VEPH1: variants seen among roughly 807,000 people sequenced by gnomAD.
The protein encoded by VEPH1 is ventricular zone-expressed PH domain-containing protein homolog 1.
Under a neutral mutation model 85.2 loss-of-function variants are expected in VEPH1, and 80 were observed. That is an observed-to-expected ratio of 0.94 (90% confidence interval 0.78 to 1.13). The LOEUF is 1.13. Ranked by LOEUF, VEPH1 falls within the 50% of genes most tolerant of loss-of-function variation. VEPH1 has a pLI of 0.00. For missense variants in VEPH1, 955 were observed against 980.5 expected, an observed-to-expected ratio of 0.97 and a Z score of 0.35; for synonymous variants, 297 against 348.0, an observed-to-expected ratio of 0.85 and a Z score of 1.63.
chr3:157,264,892 G>A (rs1162189727), intron 13 of VEPH1, among the ~76,000 whole-genome samples: 1 of 152,150 alleles, frequency 6.6e-6, no homozygotes, highest in African/African-American at 2.4e-5. Context: ...AGGTAACTTT[G>A]CATTATTGAT....
At chr3:157,418,247 G>C (rs762356095) in intron 5 of VEPH1, among the ~76,000 whole-genome samples, 1 of 152,082 alleles carries the variant, frequency 6.6e-6, no homozygotes, top group South Asian at 2.1e-4. Flanking sequence ...CCCAGGGTAG[G>C]GCAGCAACCC....
chr3:157,385,895 G>C (rs1286950620), intron 6 of VEPH1, among the ~76,000 whole-genome samples: 1 of 152,056 alleles, frequency 6.6e-6, no homozygotes, highest in African/African-American at 2.4e-5. Flanking sequence ...TTAAGCATTA[G>C]TCATTTGGAA....
intron 2 of VEPH1, 149 bp from the exon 3 acceptor site, chr3:157,470,678 C>T: frequency 3.0e-6 from 2 of 675,222 alleles, no homozygotes; most frequent in Admixed American, 5.6e-5. Context: ...TAAAGGCTTC[C>T]TTCCTTGGAG....
At chr3:157,492,741 CTCTT>C (rs1739332149) in intron 2 of VEPH1, among the ~76,000 whole-genome samples, 1 of 152,136 alleles carries the variant, frequency 6.6e-6, no homozygotes, top group African/African-American at 2.4e-5. Context: ...AAAATGCTCT[CTCTT>C]TGTCAGGGTT....
rs750007931 is a variant in VEPH1 at position 157,286,662 on chromosome 3, C to T, written c.2023G>A (p.Val675Ile). 6 of 1,613,796 alleles carry T rather than the reference C, an allele frequency of 3.7e-6. No homozygotes were observed. The East Asian group carries it at 8.9e-5, about 24-fold the overall frequency. ...CTCACTTCTTCCAGATGGAGCTGTACCTGGTCCAGATCCTGTGTCAGGAAC... is the reference window on the plus strand; with the variant it reads ...CTCACTTCTTCCAGATGGAGCTGTATCTGGTCCAGATCCTGTGTCAGGAAC... Reference protein sequence around the residue: ...TFPQQKDLDQVQLHLEEVRFF... With the variant: ...TFPQQKDLDQIQLHLEEVRFF... Residue 675 changes from valine to isoleucine, a missense_variant, in exon 12 of 14, where the codon GTA becomes ATA. Coordinates refer to ENST00000362010, the MANE Select transcript of VEPH1 (RefSeq NM_001167912.2).
At chr3:157,304,021 T>TATATATATATATA (rs1559939923) in intron 11 of VEPH1, among the ~76,000 whole-genome samples, 38 of 83,982 alleles carry the variant, frequency 4.5e-4, no homozygotes, top group Non-Finnish European at 7.4e-4. Context: ...ATCTTATATT[T>TATATATATATATA]TTTATATATA....
intron 4 of VEPH1, among the ~76,000 whole-genome samples, chr3:157,449,358 T>C (rs941755403): frequency 2.6e-4 from 40 of 152,226 alleles, no homozygotes; most frequent in African/African-American, 9.4e-4. Context: ...TATTTAGGTC[T>C]TATTCCATCT....
At chr3:157,446,508 C>T (rs1734567157) in intron 4 of VEPH1, among the ~76,000 whole-genome samples, 1 of 152,114 alleles carries the variant, frequency 6.6e-6, no homozygotes, top group Admixed American at 6.6e-5. Flanking sequence ...AATTGTAGAG[C>T]TTTCTATTTA....
chr3:157,277,198 G>T (rs1219283874), intron 12 of VEPH1, among the ~76,000 whole-genome samples: 1 of 152,068 alleles, frequency 6.6e-6, no homozygotes, highest in African/African-American at 2.4e-5. Context: ...GCTGATAATT[G>T]TCTAATTGTA....
intron 5 of VEPH1, chr3:157,415,206 CTCTTTA>C (rs1330241668): frequency 6.6e-6 from 1 of 152,168 alleles, no homozygotes; most frequent in Non-Finnish European, 1.5e-5. Flanking sequence ...TCACTCCCTT[CTCTTTA>C]TATTTATCCA....
chr3:157,333,048 A>T (rs904132205), intron 9 of VEPH1, among the ~76,000 whole-genome samples: 5 of 152,188 alleles, frequency 3.3e-5, no homozygotes, highest in Non-Finnish European at 7.3e-5. Flanking sequence ...TATTGTGGCA[A>T]TGCTGTTCAT....
At chr3:157,400,647 T>A (rs1730729600) in intron 6 of VEPH1, among the ~76,000 whole-genome samples, 1 of 152,144 alleles carries the variant, frequency 6.6e-6, no homozygotes, top group South Asian at 2.1e-4. Flanking sequence ...TAAATGGCAT[T>A]CAATGTGGCC....
chr3:157,270,155 G>A (rs545073684), intron 12 of VEPH1, among the ~76,000 whole-genome samples: 6 of 152,114 alleles, frequency 3.9e-5, no homozygotes, highest in East Asian at 1.9e-4. Context: ...AGGTACTCAC[G>A]GGGGTGAAGG....
chr3:157,409,556 G>C (rs1189505334), intron 6 of VEPH1: 1 of 902,234 alleles, frequency 1.1e-6, no homozygotes, highest in Non-Finnish European at 1.3e-6. Flanking sequence ...GTTAATCTGG[G>C]AGATAGAGAA....
intron 6 of VEPH1, among the ~76,000 whole-genome samples, chr3:157,384,835 C>A (rs1485586054): frequency 6.6e-6 from 1 of 152,150 alleles, no homozygotes; most frequent in Non-Finnish European, 1.5e-5. Flanking sequence ...TGATTTCCTT[C>A]TCAGCTTCAT....
At chr3:157,337,163 C>T (rs1723049366) in intron 9 of VEPH1, among the ~76,000 whole-genome samples, 1 of 148,834 alleles carries the variant, frequency 6.7e-6, no homozygotes, top group South Asian at 2.1e-4. Flanking sequence ...ATATATTTTA[C>T]CAAGAAATGG....
chr3:157,459,138 C>A (rs1735616414), intron 4 of VEPH1, among the ~76,000 whole-genome samples: 1 of 152,244 alleles, frequency 6.6e-6, no homozygotes, highest in African/African-American at 2.4e-5. Context: ...GTTCCTAAAG[C>A]TTCCAGTGGT....
intron 6 of VEPH1, among the ~76,000 whole-genome samples, chr3:157,403,946 T>G (rs1453408724): frequency 6.6e-6 from 1 of 152,180 alleles, no homozygotes; most frequent in African/African-American, 2.4e-5. Flanking sequence ...GGGCATCTTG[T>G]TCAATTATGG....
At chr3:157,488,275 C>T (rs1738843636) in intron 2 of VEPH1, among the ~76,000 whole-genome samples, 1 of 152,044 alleles carries the variant, frequency 6.6e-6, no homozygotes, top group Non-Finnish European at 1.5e-5. Flanking sequence ...CTCTTCCCAC[C>T]ATCTGAAACT....
Sources: gnomAD v4.1 joint callset for allele counts (sites outside exome capture counted in the v4.1 genomes callset) on GRCh38, gnomAD v4.1.1 for gene constraint, MANE v1.5 for transcripts, NCBI Gene and HGNC (gene_info 2026-07-23, HGNC 2026-07-21) for gene names.